The following DHRSX variants were observed in gnomAD, a reference collection of about 807,000 sequenced individuals.
DHRSX encodes the protein polyprenol dehydrogenase.
Under a neutral mutation model 34.0 loss-of-function variants are expected in DHRSX, and 31 were observed. The observed-to-expected ratio is 0.91, with a 90% CI of 0.69 to 1.23. DHRSX has a LOEUF of 1.23. DHRSX is among the 50% of genes most tolerant of loss of function. The probability of loss-of-function intolerance (pLI) is 0.00; values close to 1 mark genes in which losing one functional copy is unlikely to be tolerated. For missense variants in DHRSX, 414 were observed against 428.1 expected (o/e 0.97, Z 0.29); for synonymous variants, 201 against 183.8 (o/e 1.09, Z -0.76).
intron 3 of DHRSX, among the ~76,000 whole-genome samples, chrX:2,326,329 C>T (rs1328933039): frequency 6.6e-6 from 1 of 152,116 alleles, no homozygotes; most frequent in African/African-American, 2.4e-5. Context: ...TCGAGACCAG[C>T]CTGGCCAACA....
At chrX:2,274,044 T>A (rs2124471845) in intron 4 of DHRSX, among the ~76,000 whole-genome samples, 1 of 152,230 alleles carries the variant, frequency 6.6e-6, no homozygotes, top group African/African-American at 2.4e-5. Context: ...TTATTATTAT[T>A]ATTATTACTT....
At chrX:2,298,424 A>G (rs150091284) in intron 3 of DHRSX, among the ~76,000 whole-genome samples, 1,600 of 148,678 alleles carry the variant, frequency 0.011, 30 homozygotes, top group African/African-American at 0.035. Flanking sequence ...TTCACAGTAT[A>G]TATTTGGCCA....
intron 3 of DHRSX, among the ~76,000 whole-genome samples, chrX:2,393,074 G>C (rs947517149): frequency 1.4e-5 from 2 of 146,166 alleles, no homozygotes; most frequent in East Asian, 3.9e-4. Context: ...ATGTCATTAT[G>C]TATTTAATAT....
In DHRSX at chrX:2,263,304, G is replaced by A. The variant is rs768757052; in HGVS notation, c.596+3436C>T. Among the ~76,000 whole-genome samples the A allele has an allele frequency of 3.9e-5, 6 of 152,212 alleles. No individual in the cohort carries two copies. In the South Asian group the frequency reaches 1.2e-3, roughly 32 times the overall value. ...GTCACGATGGGGGAGACTCAAGTAT[G>A]GAATCAGTGCCTTTATAAAGGGGAC... On this transcript the variant is annotated intron_variant, in intron 5 of 6. Coordinates refer to ENST00000334651, the MANE Select transcript of DHRSX (RefSeq NM_145177.3).
chrX:2,471,398 C>T (rs1322328176), intron 1 of DHRSX, among the ~76,000 whole-genome samples: 1 of 152,122 alleles, frequency 6.6e-6, no homozygotes, highest in African/African-American at 2.4e-5. Flanking sequence ...GAAACCCCTT[C>T]TCTACTAAAA....
intron 5 of DHRSX, among the ~76,000 whole-genome samples, chrX:2,251,150 T>A (rs1402303370): frequency 6.6e-6 from 1 of 152,174 alleles, no homozygotes; most frequent in Non-Finnish European, 1.5e-5. Context: ...TGCCAAAATC[T>A]GACATCGGGC....
intron 1 of DHRSX, among the ~76,000 whole-genome samples, chrX:2,496,004 GTT>G (rs2124132952): frequency 1.3e-5 from 2 of 152,162 alleles, no homozygotes; most frequent in East Asian, 3.9e-4. Flanking sequence ...TTCTCCCTAG[GTT>G]TTTGTTATTT....
At chrX:2,242,055 G>A (rs1170349863) in intron 6 of DHRSX, among the ~76,000 whole-genome samples, 5 of 151,780 alleles carry the variant, frequency 3.3e-5, no homozygotes, top group Non-Finnish European at 4.4e-5. Context: ...CTCCCCTTCC[G>A]CTAAGAAGAA....
Position 2,306,298 on chromosome X carries a change from C to T in DHRSX, c.287-14695G>A, listed in dbSNP as rs190415406. 1.4e-3 allele frequency among the ~76,000 whole-genome samples: 217 copies of T among 151,766 alleles called. 5 individuals are homozygous for T. The East Asian group carries it at 0.036, about 25-fold the overall frequency. ...GGTAAGGGGAACAGGGTATGGCTGG[C>T]ATCACTAGGGGAAGATGAGCCGATA... is the stretch of plus-strand genomic sequence containing the variant. On this transcript the variant is annotated intron_variant, in intron 3 of 6. Coordinates refer to ENST00000334651, the MANE Select transcript of DHRSX (RefSeq NM_145177.3).
At position 2,304,982 on chromosome X, in the gene DHRSX, TA is replaced by T. The variant is rs200313972; in HGVS notation, c.287-13380del. On this transcript the variant is annotated intron_variant, in intron 3 of 6. Coordinates refer to ENST00000334651, the MANE Select transcript of DHRSX (RefSeq NM_145177.3). ...AATGCCCAAGAATGATAGACTGGATTAAAAAAAATGGTACATATACACCGTG... is the reference window on the plus strand; with the variant it reads ...AATGCCCAAGAATGATAGACTGGATTAAAAAAATGGTACATATACACCGTG... Among the ~76,000 whole-genome samples, 644 of 151,776 alleles carry T rather than the reference TA, an allele frequency of 4.2e-3. 4 individuals are homozygous for T. Among genetic ancestry groups the T allele is most frequent in the African/African-American group, 0.015 (608 of 41,378 alleles).
At chrX:2,342,284 G>GTGT (rs1285408530) in intron 3 of DHRSX, among the ~76,000 whole-genome samples, 1 of 152,034 alleles carries the variant, frequency 6.6e-6, no homozygotes, top group Admixed American at 6.6e-5. Context: ...TCTGCATTTG[G>GTGT]TGTTGCCAAA....
At chrX:2,239,087 T>C (rs2016081878) in intron 6 of DHRSX, among the ~76,000 whole-genome samples, 1 of 152,214 alleles carries the variant, frequency 6.6e-6, no homozygotes. Context: ...AATTTTAAAG[T>C]TTCCACAATG....
chrX:2,273,184 C>T (rs1351368358), intron 4 of DHRSX, among the ~76,000 whole-genome samples: 1 of 152,150 alleles, frequency 6.6e-6, no homozygotes, highest in Non-Finnish European at 1.5e-5. Context: ...CAGAGCAAGA[C>T]TCCATCTCAA....
At chrX:2,380,834 ATTG>A (rs1430880397) in intron 3 of DHRSX, among the ~76,000 whole-genome samples, 1 of 151,546 alleles carries the variant, frequency 6.6e-6, no homozygotes, top group Non-Finnish European at 1.5e-5. Flanking sequence ...TTTTTTGGTT[ATTG>A]TTTTGTTTTG....
chrX:2,271,732 C>T (rs1415099044), intron 4 of DHRSX, among the ~76,000 whole-genome samples: 1 of 152,102 alleles, frequency 6.6e-6, no homozygotes, highest in Non-Finnish European at 1.5e-5. Flanking sequence ...TGTCAGAATT[C>T]ACCTCAGGAG....
At chrX:2,390,949 T>C (rs1364284453) in intron 3 of DHRSX, among the ~76,000 whole-genome samples, 2 of 152,238 alleles carry the variant, frequency 1.3e-5, no homozygotes, top group Admixed American at 6.5e-5. Flanking sequence ...ATTAATGTCC[T>C]CAAGGTTAGC....
chrX:2,346,626 G>A (rs944174668), intron 3 of DHRSX, among the ~76,000 whole-genome samples: 1 of 147,620 alleles, frequency 6.8e-6, no homozygotes, highest in East Asian at 2.0e-4. Flanking sequence ...CCTGTTTGTA[G>A]GGATGTTGTA....
At chrX:2,363,719 C>T (rs184739549) in intron 3 of DHRSX, among the ~76,000 whole-genome samples, 130 of 142,142 alleles carry the variant, frequency 9.1e-4, no homozygotes, top group Middle Eastern at 7.5e-3. Flanking sequence ...ATTTTATCAC[C>T]GTTCTATGGT....
At chrX:2,253,661 A>C (rs1367866956) in intron 5 of DHRSX, among the ~76,000 whole-genome samples, 1 of 152,270 alleles carries the variant, frequency 6.6e-6, no homozygotes, top group Admixed American at 6.5e-5. Context: ...GCCACCTGCT[A>C]CTAAATCTGG....
Sources: allele counts gnomAD v4.1 joint callset (sites outside exome capture counted in the v4.1 genomes callset), GRCh38; gene constraint gnomAD v4.1.1; transcripts MANE v1.5; gene names NCBI Gene and HGNC (gene_info 2026-07-23, HGNC 2026-07-21).